Variants in PACSIN1 observed in about 807,000 individuals in gnomAD.
PACSIN1 encodes the protein protein kinase C and casein kinase substrate in neurons protein 1.
Under a neutral mutation model 59.5 loss-of-function variants are expected in PACSIN1, and 15 were observed. That is an observed-to-expected ratio of 0.25 (90% CI 0.17 to 0.39). The LOEUF (loss-of-function observed/expected upper bound fraction) is 0.39. Ranked by LOEUF, PACSIN1 falls within the 10% of genes least tolerant of loss-of-function variation. The pLI is 1.00. For synonymous variants in PACSIN1, 210 were observed against 220.6 expected (o/e 0.95, Z 0.42); for missense variants, 420 against 580.2 (o/e 0.72, Z 2.84).
chr6:34,505,182 G>C (rs2127260531), intron 1 of PACSIN1, among the ~76,000 whole-genome samples: 1 of 151,946 alleles, frequency 6.6e-6, no homozygotes, highest in Admixed American at 6.5e-5. Context: ...TTTTTTTGTA[G>C]AGATAGGGTC....
chr6:34,516,458 C>T lies in PACSIN1; in HGVS notation c.-63-9785C>T, dbSNP rs763755526. On this transcript the variant is annotated intron_variant, in intron 1 of 9. Transcript: ENST00000244458. This position sits in a 1 kb window ranked among gnomAD's most constrained non-coding sequence, Gnocchi z 5.4. ...CTGCCTGCCCCTGCTCCTCCGAACC[C>T]CGCACTCTCCTCCTTCCTGACCAGG... Among the ~76,000 whole-genome samples the T allele has an allele frequency of 7.2e-5, 11 of 152,232 alleles. No homozygotes were observed. The highest frequency in any genetic ancestry group is 1.5e-4 in the Non-Finnish European group (10 of 68,034).
Position 34,529,712 on chromosome 6 carries a change from C to T in PACSIN1, c.659C>T (p.Thr220Ile), listed in dbSNP as rs758064273. 4 of 1,614,196 alleles carry T rather than the reference C, an allele frequency of 2.5e-6. No homozygotes were observed. Among genetic ancestry groups the T allele is most frequent in the Non-Finnish European group, 3.4e-6 (4 of 1,180,044 alleles). ...GTGCTGGAAGATGTGGGCAAGACCACACCCCAGTACATGGAGAACATGGAG... is the reference window on the plus strand; with the variant it reads ...GTGCTGGAAGATGTGGGCAAGACCATACCCCAGTACATGGAGAACATGGAG... ...EKVLEDVGKTTPQYMENMEQV... is the reference protein window; with the variant it reads ...EKVLEDVGKTIPQYMENMEQV... The change falls in exon 6 of 10, where the codon ACA becomes ATA. Residue 220 changes from threonine (T) to isoleucine (I), a missense_variant. By Grantham distance (89) the Thr-to-Ile change is moderately conservative. Coordinates refer to ENST00000244458, the MANE Select transcript of PACSIN1 (RefSeq NM_020804.5). The surrounding 1 kb of genome is among the most constrained non-coding windows in gnomAD (Gnocchi z 6.3).
chr6:34,525,056 C>T lies in PACSIN1; in HGVS notation c.-63-1187C>T, dbSNP rs1309081741. 1.3e-5 allele frequency among the ~76,000 whole-genome samples: 2 copies of T among 152,176 alleles called. No individual in the cohort carries two copies. The highest frequency in any genetic ancestry group is 2.9e-5 in the Non-Finnish European group (2 of 68,034). On this transcript the variant is annotated intron_variant, in intron 1 of 9. Coordinates refer to ENST00000244458, the MANE Select transcript of PACSIN1 (RefSeq NM_020804.5). The surrounding 1 kb of genome is among the most constrained non-coding windows in gnomAD (Gnocchi z 4.9). ...TCTCTGTATCTAAATTTAAAACGTT[C>T]CTTATGAAGCAAGTACTGCTTTATA...
At chr6:34,504,272 A>ATGTGTG (rs1561963392) in intron 1 of PACSIN1, among the ~76,000 whole-genome samples, 10 of 119,248 alleles carry the variant, frequency 8.4e-5, no homozygotes, top group African/African-American at 3.0e-4. Flanking sequence ...GTGTGTGTGT[A>ATGTGTG]TATATATATA....
chr6:34,519,020 G>T lies in PACSIN1; in HGVS notation c.-63-7223G>T, dbSNP rs867098875. Among the ~76,000 whole-genome samples, 6 of 152,274 alleles carry T rather than the reference G, an allele frequency of 3.9e-5. No individual in the cohort carries two copies. The South Asian group carries it at 6.2e-4, about 16-fold the overall frequency. On this transcript the variant is annotated intron_variant, in intron 1 of 9. Coordinates refer to ENST00000244458, the MANE Select transcript of PACSIN1 (RefSeq NM_020804.5). ...GGTGATTTTCTGGAGGAGAGAGAGA[G>T]GGTCTGGGCTCTTAAGAGGGTGGCC...
chr6:34,481,106 T>C (rs1180142471), intron 1 of PACSIN1, among the ~76,000 whole-genome samples: 1 of 151,930 alleles, frequency 6.6e-6, no homozygotes, highest in East Asian at 1.9e-4. Context: ...AGTGCAGTGG[T>C]GTGATCACGG....
intron 1 of PACSIN1, among the ~76,000 whole-genome samples, chr6:34,477,858 C>T (rs1005689085): frequency 3.3e-5 from 5 of 151,430 alleles, no homozygotes; most frequent in African/African-American, 9.7e-5. Flanking sequence ...GAGCTATCCT[C>T]ACAACTCAGC....
chr6:34,531,894 G>T lies in PACSIN1; in HGVS notation c.1225+107G>T, dbSNP rs928829487. ...AGAGAAGCTTGGGTCTGGATTGGGTGTGTGGTGGTGCAGGGGCGGTGCCTG... is the reference window on the plus strand; with the variant it reads ...AGAGAAGCTTGGGTCTGGATTGGGTTTGTGGTGGTGCAGGGGCGGTGCCTG... On this transcript the variant is annotated intron_variant, in intron 9 of 9. Coordinates refer to ENST00000244458, the MANE Select transcript of PACSIN1 (RefSeq NM_020804.5). This position sits in a 1 kb window ranked among gnomAD's most constrained non-coding sequence, Gnocchi z 4.4. 2 of 1,088,204 alleles carry T rather than the reference G, an allele frequency of 1.8e-6. No homozygotes were observed. Among genetic ancestry groups the T allele is most frequent in the African/African-American group, 1.6e-5 (1 of 61,334 alleles). 67.4% of individuals were successfully genotyped at this position (1,088,204 alleles called of 1,614,324 possible). A position where few individuals can be genotyped will look rare whatever the true frequency, so the allele number is the denominator to read the frequency against.
In PACSIN1 at chr6:34,488,021, G is replaced by A. The variant is rs191877794; in HGVS notation, c.-64+21751G>A. On this transcript the variant is annotated intron_variant, in intron 1 of 9. Transcript: ENST00000244458. The surrounding 1 kb of genome is among the most constrained non-coding windows in gnomAD (Gnocchi z 4.7). ...TATAAGGGGAAGGTCAGTGAGATAAGCCACAGTCCCGCTGCTGCAGCAGGA... is the reference window on the plus strand; with the variant it reads ...TATAAGGGGAAGGTCAGTGAGATAAACCACAGTCCCGCTGCTGCAGCAGGA... Among the ~76,000 whole-genome samples, 1 of 152,292 alleles carries A rather than the reference G, an allele frequency of 6.6e-6. No homozygotes were observed. Among genetic ancestry groups the A allele is most frequent in the Non-Finnish European group, 1.5e-5 (1 of 68,024 alleles).
chr6:34,522,224 A>G (rs1466694816), intron 1 of PACSIN1, among the ~76,000 whole-genome samples: 4 of 152,194 alleles, frequency 2.6e-5, no homozygotes, highest in Admixed American at 6.5e-5. Flanking sequence ...TGGAGCGAGG[A>G]TTCAATACCA....
rs1304713995 is a variant in PACSIN1 at position 34,529,980 on chromosome 6, A to G, written c.788+139A>G. On this transcript the variant is annotated intron_variant, in intron 6 of 9. Transcript: ENST00000244458. This position sits in a 1 kb window ranked among gnomAD's most constrained non-coding sequence, Gnocchi z 6.3. ...AGGGGTCAAGAAGGATGAGGCTTCA[A>G]ACACAGGGGCTGTTGAGTGCAAGCT... 8.6e-6 allele frequency: 9 copies of G among 1,046,756 alleles called. No homozygotes were observed. The highest frequency in any genetic ancestry group is 1.2e-5 in the Non-Finnish European group (9 of 724,166). 64.8% of individuals were successfully genotyped at this position (1,046,756 alleles called of 1,614,324 possible).
In PACSIN1 at chr6:34,532,542, C is replaced by G. The variant is rs752051593; in HGVS notation, c.*12C>G. 3 of 1,467,504 alleles carry G rather than the reference C, an allele frequency of 2.0e-6. No homozygotes were observed. The highest frequency in any genetic ancestry group is 2.8e-6 in the Non-Finnish European group (3 of 1,076,594). 90.9% of individuals were successfully genotyped at this position (1,467,504 alleles called of 1,614,324 possible). On this transcript the variant is annotated 3_prime_UTR_variant, in exon 10 of 10. Coordinates refer to ENST00000244458, the MANE Select transcript of PACSIN1 (RefSeq NM_020804.5). The surrounding 1 kb of genome is among the most constrained non-coding windows in gnomAD (Gnocchi z 5.2). ...TGGAGGCTATCTAGAGGCCCCCTCC[C>G]TCCATACTCCCGTCACTCCTCCCCA...
intron 1 of PACSIN1, among the ~76,000 whole-genome samples, chr6:34,504,296 T>A (rs1469876552): frequency 2.7e-4 from 31 of 113,982 alleles, no homozygotes; most frequent in African/African-American, 7.5e-4. Context: ...ATATATTTTT[T>A]TTTTTTTTTT....
rs1379456728 is a variant in PACSIN1, at chr6:34,518,395, G to GA, written c.-63-7844dup. On this transcript the variant is annotated intron_variant, in intron 1 of 9. Transcript: ENST00000244458. The surrounding 1 kb of genome is among the most constrained non-coding windows in gnomAD (Gnocchi z 4.4). ...CCAAGTGTGTGCTGACTGGTGTTGA[G>GA]AAAAGAGATGCCCCAGAGCAGACAG... 2.6e-5 allele frequency among the ~76,000 whole-genome samples: 4 copies of GA among 152,304 alleles called. No homozygotes were observed. In the East Asian group the frequency reaches 7.7e-4, roughly 29 times the overall value.
Position 34,531,450 on chromosome 6 carries a change from A to G in PACSIN1, c.1038-150A>G. On this transcript the variant is annotated intron_variant, in intron 8 of 9. Transcript: ENST00000244458. The surrounding 1 kb of genome is among the most constrained non-coding windows in gnomAD (Gnocchi z 4.4). Reference sequence around the variant, plus strand: ...GTCCTGCATTTAAACATCGGTTTAAAGAGCTCATGAGGGTCACCCCTCCTA... The same window carrying G: ...GTCCTGCATTTAAACATCGGTTTAAGGAGCTCATGAGGGTCACCCCTCCTA... The G allele has an allele frequency of 1.4e-6, 1 of 720,726 alleles. No individual in the cohort carries two copies. The highest frequency in any genetic ancestry group is 2.3e-6 in the Non-Finnish European group (1 of 426,248). 44.6% of individuals were successfully genotyped at this position (720,726 alleles called of 1,614,324 possible). A position where few individuals can be genotyped will look rare whatever the true frequency, so the allele number is the denominator to read the frequency against.
At chr6:34,520,273 T>A (rs1298163317) in intron 1 of PACSIN1, among the ~76,000 whole-genome samples, 2 of 152,194 alleles carry the variant, frequency 1.3e-5, no homozygotes, top group African/African-American at 4.8e-5. Flanking sequence ...CCTGTCGGTC[T>A]ATCTCTGGGT....
intron 1 of PACSIN1, among the ~76,000 whole-genome samples, chr6:34,479,627 T>C (rs1766687582): frequency 6.6e-6 from 1 of 151,696 alleles, no homozygotes; most frequent in African/African-American, 2.4e-5. Context: ...TTTATTTTAT[T>C]TTATTTTTTA....
At position 34,532,267 on chromosome 6, in the gene PACSIN1, G is replaced by T. The variant is rs950629976; in HGVS notation, c.1226-154G>T. ...CCAAGGGTGGCACGTGAATGTTGGC[G>T]TGGGACTGGGGCTGGTTTCCAGGGG... On this transcript the variant is annotated intron_variant, in intron 9 of 9. Transcript: ENST00000244458. This position sits in a 1 kb window ranked among gnomAD's most constrained non-coding sequence, Gnocchi z 5.2. Among the ~76,000 whole-genome samples the T allele has an allele frequency of 3.9e-5, 6 of 152,114 alleles. No homozygotes were observed. The highest frequency in any genetic ancestry group is 1.4e-4 in the African/African-American group (6 of 41,406).
At position 34,514,821 on chromosome 6, in the gene PACSIN1, T is replaced by C. The variant is rs1195156636; in HGVS notation, c.-63-11422T>C. ...GTGGGTGGCTGGAGAAGGAGGCGGG[T>C]CGGGATCGGGGAGTGGGGAGGAGGC... On this transcript the variant is annotated intron_variant, in intron 1 of 9. Coordinates refer to ENST00000244458, the MANE Select transcript of PACSIN1 (RefSeq NM_020804.5). The surrounding 1 kb of genome is among the most constrained non-coding windows in gnomAD (Gnocchi z 4.4). 1 of 152,202 alleles carries C rather than the reference T, an allele frequency of 6.6e-6. No homozygotes were observed. The highest frequency in any genetic ancestry group is 1.5e-5 in the Non-Finnish European group (1 of 68,164). The allele number at this position is 152,202 out of a possible 1,614,324, so 9.4% of individuals were successfully genotyped here.
Sources: allele counts gnomAD v4.1 joint callset (sites outside exome capture counted in the v4.1 genomes callset), GRCh38; gene constraint gnomAD v4.1.1; non-coding constraint Gnocchi (gnomAD v3.1); transcripts MANE v1.5; gene names NCBI Gene and HGNC (gene_info 2026-07-23, HGNC 2026-07-21).